The following PDZRN3 variants were observed in gnomAD, a reference collection of about 807,000 sequenced individuals.
PDZRN3 encodes PDZ domain containing ring finger 3.
PDZRN3 carries 38 observed loss-of-function variants against 85.7 expected under a neutral mutation model. That is an observed-to-expected ratio of 0.44 (90% CI 0.34 to 0.58). The LOEUF (loss-of-function observed/expected upper bound fraction) is 0.58, where lower values mean the gene tolerates loss of function less well. PDZRN3 is among the 20% of genes least tolerant of loss of function. The pLI is 0.01. For missense variants in PDZRN3, 1,629 were observed against 1,506.4 expected (o/e 1.08, Z -1.35); for synonymous variants, 759 against 638.0 (o/e 1.19, Z -2.86).
At chr3:73,491,592 C>CTTTTTTTTTT (rs367581488) in intron 3 of PDZRN3, among the ~76,000 whole-genome samples, 56,157 of 116,950 alleles carry the variant, frequency 0.48, 13,936 homozygotes, top group East Asian at 0.67. Flanking sequence ...GTGGAAGGTT[C>CTTTTTTTTTT]CTTTTTTTTT....
chr3:73,403,934 A>G (rs1416644086), intron 4 of PDZRN3, among the ~76,000 whole-genome samples: 2 of 152,220 alleles, frequency 1.3e-5, no homozygotes, highest in African/African-American at 2.4e-5. Flanking sequence ...TATAATTTGA[A>G]TAAGTCCGCT....
intron 3 of PDZRN3, among the ~76,000 whole-genome samples, chr3:73,568,979 G>A (rs1414142929): frequency 6.6e-6 from 1 of 152,170 alleles, no homozygotes; most frequent in Non-Finnish European, 1.5e-5. Flanking sequence ...TGCTGAAATT[G>A]TTGTTCTGCC....
At position 73,505,213 on chromosome 3, in the gene PDZRN3, G is replaced by C. The variant is rs927897763; in HGVS notation, c.918+97141C>G. Among the ~76,000 whole-genome samples, 3 of 152,132 alleles carry C rather than the reference G, an allele frequency of 2.0e-5. No individual in the cohort carries two copies. The East Asian group carries it at 5.8e-4, about 29-fold the overall frequency. ...ATACACGATGACATTTTATGTAACTGGTTACCCACGAATAATCATTTGGGA... is the reference window on the plus strand; with the variant it reads ...ATACACGATGACATTTTATGTAACTCGTTACCCACGAATAATCATTTGGGA... On this transcript the variant is annotated intron_variant, in intron 3 of 9. Coordinates refer to ENST00000263666, the MANE Select transcript of PDZRN3 (RefSeq NM_015009.3).
chr3:73,464,892 C>A (rs542901343), intron 3 of PDZRN3, among the ~76,000 whole-genome samples: 163 of 152,156 alleles, frequency 1.1e-3, no homozygotes, highest in Non-Finnish European at 1.9e-3. Flanking sequence ...AACCTACTCT[C>A]TTACCACTTT....
At chr3:73,568,958 T>C (rs954939642) in intron 3 of PDZRN3, among the ~76,000 whole-genome samples, 1 of 152,178 alleles carries the variant, frequency 6.6e-6, no homozygotes, top group African/African-American at 2.4e-5. Context: ...ATAACTGAAA[T>C]GATAGAGCCT....
intron 3 of PDZRN3, among the ~76,000 whole-genome samples, chr3:73,421,241 C>T (rs1378559515): frequency 3.3e-5 from 5 of 152,186 alleles, no homozygotes; most frequent in African/African-American, 9.7e-5. Context: ...CCTGGACACT[C>T]CTAACACCCT....
At chr3:73,389,781 C>A in intron 7 of PDZRN3, 35 bp downstream of exon 7, 1 of 1,444,068 alleles carries the variant, frequency 6.9e-7, no homozygotes, top group Non-Finnish European at 9.8e-7. Context: ...TAGTGATAGG[C>A]CCATCATGAG....
At position 73,430,247 on chromosome 3, in the gene PDZRN3, GCA is replaced by G. The variant is rs542512905; in HGVS notation, c.919-25854_919-25853del. The stretch of plus-strand genomic sequence containing the variant: ...ACAGCTGACACTCAGCATTGTGCCG[GCA>G]CATAGTAAGTGCACAATAAATAATG... On this transcript the variant is annotated intron_variant, in intron 3 of 9. Transcript: ENST00000263666. Among the ~76,000 whole-genome samples, 276 of 152,286 alleles carry G rather than the reference GCA, an allele frequency of 1.8e-3. 4 individuals carry two copies. Among genetic ancestry groups the G allele is most frequent in the Admixed American group, 2.9e-3 (44 of 15,298 alleles).
At chr3:73,494,488 T>C (rs1036646403) in intron 3 of PDZRN3, among the ~76,000 whole-genome samples, 1 of 152,210 alleles carries the variant, frequency 6.6e-6, no homozygotes, top group African/African-American at 2.4e-5. Flanking sequence ...TTATGGAAAG[T>C]CATTTGCTGT....
intron 3 of PDZRN3, among the ~76,000 whole-genome samples, chr3:73,427,426 C>A (rs1353981312): frequency 6.6e-6 from 1 of 152,142 alleles, no homozygotes; most frequent in Non-Finnish European, 1.5e-5. Context: ...TTCTTTTGTG[C>A]ATTACCCACC....
chr3:73,401,508 C>G (rs1233703581), intron 4 of PDZRN3, among the ~76,000 whole-genome samples: 1 of 152,122 alleles, frequency 6.6e-6, no homozygotes, highest in Non-Finnish European at 1.5e-5. Flanking sequence ...GAATGTTACC[C>G]ACAATAATAT....
Position 73,624,578 on chromosome 3 carries a change from G to A in PDZRN3, c.248C>T (p.Ala83Val), listed in dbSNP as rs372137905. 3 of 1,546,420 alleles carry A rather than the reference G, an allele frequency of 1.9e-6. No homozygotes were observed. The highest frequency in any genetic ancestry group is 1.9e-5 in the Admixed American group (1 of 51,710). Reference protein sequence around the residue: ...RLILKLDIKCAYATRGCGRVV... With the variant: ...RLILKLDIKCVYATRGCGRVV... The stretch of plus-strand genomic sequence containing the variant: ...CCGGCCGCAGCCGCGCGTCGCGTAC[G>A]CGCACTTGATGTCCAGCTTGAGGAT... Residue 83 changes from alanine to valine, a missense_variant, in exon 1 of 10, where the codon GCG (alanine) becomes GTG (valine). Physicochemically the swap from Ala to Val is moderately conservative, Grantham distance 64 (BLOSUM62 0). Transcript: ENST00000263666.
intron 3 of PDZRN3, among the ~76,000 whole-genome samples, chr3:73,563,343 A>G (rs958123923): frequency 6.6e-6 from 1 of 151,654 alleles, no homozygotes; most frequent in African/African-American, 2.4e-5. Flanking sequence ...CCGCCAAATT[A>G]TATTTTCTAT....
In PDZRN3 at chr3:73,542,513, T is replaced by A. The variant is rs377684885; in HGVS notation, c.918+59841A>T. Among the ~76,000 whole-genome samples the A allele has an allele frequency of 4.5e-4, 68 of 151,996 alleles. 1 individual carries two copies. In the South Asian group the frequency reaches 0.014, roughly 31 times the overall value. Reference sequence around the variant, plus strand: ...TGCTGGCCGGGTGTGGTGGCCCATATCTATAATACCAGCACTTTGGGAGGC... The same window carrying A: ...TGCTGGCCGGGTGTGGTGGCCCATAACTATAATACCAGCACTTTGGGAGGC... On this transcript the variant is annotated intron_variant, in intron 3 of 9. Transcript: ENST00000263666.
At chr3:73,447,657 T>C (rs1280849904) in intron 3 of PDZRN3, among the ~76,000 whole-genome samples, 1 of 152,220 alleles carries the variant, frequency 6.6e-6, no homozygotes, top group African/African-American at 2.4e-5. Flanking sequence ...TAGGAGGACG[T>C]GGAGGTCCAT....
intron 2 of PDZRN3, among the ~76,000 whole-genome samples, chr3:73,604,782 T>C (rs181125514): frequency 1.3e-5 from 2 of 152,348 alleles, no homozygotes; most frequent in Non-Finnish European, 2.9e-5. Flanking sequence ...TCGTTTGTTT[T>C]GCAAAATACC....
chr3:73,499,250 G>A (rs1370483044), intron 3 of PDZRN3, among the ~76,000 whole-genome samples: 2 of 152,176 alleles, frequency 1.3e-5, no homozygotes, highest in African/African-American at 2.4e-5. Context: ...GAAGACCGGC[G>A]AGTCCTGATC....
At chr3:73,611,084 T>A (rs1702678475) in intron 1 of PDZRN3, among the ~76,000 whole-genome samples, 1 of 152,188 alleles carries the variant, frequency 6.6e-6, no homozygotes, top group Admixed American at 6.5e-5. Flanking sequence ...CAATCCTACA[T>A]CTTCATTACA....
At chr3:73,552,225 A>ACTGT (rs1491182128) in intron 3 of PDZRN3, among the ~76,000 whole-genome samples, 4 of 147,754 alleles carry the variant, frequency 2.7e-5, no homozygotes, top group Non-Finnish European at 6.0e-5. Flanking sequence ...GAATTAAAGG[A>ACTGT]GTGTGTGTGT....
Sources: allele counts gnomAD v4.1 joint callset (sites outside exome capture counted in the v4.1 genomes callset), GRCh38; gene constraint gnomAD v4.1.1; transcripts MANE v1.5; gene names NCBI Gene and HGNC (gene_info 2026-07-23, HGNC 2026-07-21).